The following NLRP1 variants were observed in gnomAD, a reference collection of about 807,000 sequenced individuals.
NLRP1 encodes the protein NACHT, LRR and PYD domains-containing protein 1.
NLRP1 carries 94 observed loss-of-function variants against 136.7 expected under a neutral mutation model. The ratio of observed to expected loss-of-function variants is 0.69; its 90% confidence interval spans 0.58 to 0.82. The LOEUF is 0.82. Among genes scored for constraint, NLRP1 ranks in the 40% least tolerant of loss-of-function variants. The pLI is 0.00. For synonymous variants in NLRP1, 690 were observed against 725.1 expected (o/e 0.95, Z 0.78); for missense variants, 1,575 against 1,802.7 (o/e 0.87, Z 2.29).
chr17:5,554,957 G>A (rs1209877417), intron 4 of NLRP1, among the ~76,000 whole-genome samples: 1 of 151,634 alleles, frequency 6.6e-6, no homozygotes, highest in African/African-American at 2.4e-5. Flanking sequence ...GGGAGGCCAA[G>A]GTTGCAGTGA....
chr17:5,571,197 A>G (rs1915829164), intron 3 of NLRP1, among the ~76,000 whole-genome samples: 2 of 152,198 alleles, frequency 1.3e-5, no homozygotes, highest in African/African-American at 4.8e-5. Flanking sequence ...TGAGAACCAG[A>G]ACAAGACAAG....
At chr17:5,521,186 T>C (rs764885921) in intron 13 of NLRP1, among the ~76,000 whole-genome samples, 174 bp from the exon 14 acceptor site, 1 of 152,138 alleles carries the variant, frequency 6.6e-6, no homozygotes, top group Non-Finnish European at 1.5e-5. Flanking sequence ...CTTTGATGTC[T>C]TCAGGATAGG....
At chr17:5,546,465 T>C (rs1350084359) in intron 5 of NLRP1, among the ~76,000 whole-genome samples, 1 of 152,174 alleles carries the variant, frequency 6.6e-6, no homozygotes, top group Non-Finnish European at 1.5e-5. Context: ...CTGTCTGGTC[T>C]CTCCCCTGAC....
intron 5 of NLRP1, among the ~76,000 whole-genome samples, chr17:5,543,252 G>A (rs181586073): frequency 2.0e-5 from 3 of 152,366 alleles, no homozygotes; most frequent in Non-Finnish European, 1.5e-5. Context: ...GTCAGGTGCA[G>A]CTGAAGGCAG....
Position 5,514,718 on chromosome 17 carries a change from GC to G in NLRP1, c.*35del, listed in dbSNP as rs1461709323. 6.2e-7 allele frequency: 1 copy of G among 1,605,758 alleles called. No individual in the cohort carries two copies. The highest frequency in any genetic ancestry group is 8.5e-7 in the Non-Finnish European group (1 of 1,173,566). Reference sequence around the variant, plus strand: ...GAGACCCAAAGAAGGGTCAGCCAAAGCCAGGACTCAAGGGTCAAGGGCTGGT... The same window carrying G: ...GAGACCCAAAGAAGGGTCAGCCAAAGCAGGACTCAAGGGTCAAGGGCTGGT... On this transcript the variant is annotated 3_prime_UTR_variant, in exon 17 of 17. Transcript: ENST00000572272.
Position 5,559,150 on chromosome 17 carries a change from G to A in NLRP1, c.1546C>T (p.Leu516=). ...CAGGACACCCAGGGCACAAGACACA[G>A]GGCCCAGAGCTCTTTGTTTGATTTG... ...LVKSNKELWA[L]CLVPWVSWLA... Residue 516 remains leucine (L), a synonymous_variant, in exon 4 of 17, where the codon CTG becomes TTG. Coordinates refer to ENST00000572272, the MANE Select transcript of NLRP1 (RefSeq NM_033004.4). The A allele has an allele frequency of 8.1e-6, 13 of 1,614,182 alleles. No homozygotes were observed. The highest frequency in any genetic ancestry group is 1.1e-5 in the Non-Finnish European group (13 of 1,180,034).
chr17:5,511,683 G>A (rs914767313), downstream of NLRP1, among the ~76,000 whole-genome samples: 2 of 152,128 alleles, frequency 1.3e-5, no homozygotes, highest in Non-Finnish European at 2.9e-5. Flanking sequence ...CGGGGGTTGC[G>A]GGGCTTAGAG....
At chr17:5,558,195 G>T in intron 4 of NLRP1, 144 bp downstream of exon 4, 1 of 771,470 alleles carries the variant, frequency 1.3e-6, no homozygotes, top group South Asian at 1.9e-5. Context: ...TGGTCAGATT[G>T]GGCAGTTAGA....
intron 8 of NLRP1, among the ~76,000 whole-genome samples, chr17:5,535,972 C>T (rs1911001100): frequency 1.3e-5 from 2 of 151,830 alleles, no homozygotes; most frequent in South Asian, 4.2e-4. Flanking sequence ...GGTCTTTTTC[C>T]CAGGGCACAG....
intron 3 of NLRP1, among the ~76,000 whole-genome samples, chr17:5,579,631 T>C (rs1905378245): frequency 6.6e-6 from 1 of 152,204 alleles, no homozygotes; most frequent in Admixed American, 6.5e-5. Context: ...AAGATGCATG[T>C]ACATGTATGT....
intron 5 of NLRP1, among the ~76,000 whole-genome samples, chr17:5,547,388 A>G (rs1310639213): frequency 1.3e-5 from 2 of 152,206 alleles, no homozygotes; most frequent in African/African-American, 2.4e-5. Flanking sequence ...GAAACTTGCT[A>G]AAGAAACCTA....
Position 5,532,959 on chromosome 17 carries a change from C to A in NLRP1, c.3159G>T (p.Pro1053=). The A allele has an allele frequency of 6.2e-7, 1 of 1,613,546 alleles. No individual in the cohort carries two copies. Among genetic ancestry groups the A allele is most frequent in the South Asian group, 1.1e-5 (1 of 91,028 alleles). ...IAEESSPEVV[P]VELLCVPSPA... ...GAGAAGGCACGCACAAGAGTTCCAC[C>A]GGTACTACCTCTGGGGAGCTTTCCT... is the stretch of plus-strand genomic sequence containing the variant. Residue 1053 remains proline, a synonymous_variant, in exon 11 of 17, where the codon CCG becomes CCT. Transcript: ENST00000572272.
chr17:5,526,731 G>A (rs527310577), intron 12 of NLRP1, among the ~76,000 whole-genome samples: 1 of 152,300 alleles, frequency 6.6e-6, no homozygotes, highest in East Asian at 1.9e-4. Flanking sequence ...CATGTTTGGT[G>A]GTCTTGACAT....
chr17:5,505,142 C>T (rs1303799636), intron 15 of NLRP1: 1 of 152,222 alleles, frequency 6.6e-6, no homozygotes. Flanking sequence ...CTACCCAAAC[C>T]CACAGTTGAT....
intron 12 of NLRP1, among the ~76,000 whole-genome samples, chr17:5,524,892 G>C (rs1909339995): frequency 6.6e-6 from 1 of 152,188 alleles, no homozygotes; most frequent in African/African-American, 2.4e-5. Flanking sequence ...GCTCCTGGGG[G>C]TGCAGGACTG....
At chr17:5,524,608 T>C (rs1172720924) in intron 12 of NLRP1, among the ~76,000 whole-genome samples, 1 of 152,238 alleles carries the variant, frequency 6.6e-6, no homozygotes, top group Non-Finnish European at 1.5e-5. Flanking sequence ...TCACTGGCAC[T>C]AAATGGATGG....
chr17:5,582,139 C>G, intron 2 of NLRP1, 77 bp from the exon 3 acceptor site: 1 of 1,186,836 alleles, frequency 8.4e-7, no homozygotes, highest in Non-Finnish European at 1.2e-6. Flanking sequence ...TAAACTCTCA[C>G]AACAGTCCTG....
chr17:5,566,381 T>C (rs1915335832), intron 3 of NLRP1, among the ~76,000 whole-genome samples: 1 of 152,046 alleles, frequency 6.6e-6, no homozygotes, highest in Non-Finnish European at 1.5e-5. Flanking sequence ...TTCAAGAAAT[T>C]TTTCTTTCTT....
intron 11 of NLRP1, among the ~76,000 whole-genome samples, chr17:5,531,291 C>T (rs1362348259): frequency 1.3e-5 from 2 of 152,072 alleles, no homozygotes; most frequent in Non-Finnish European, 1.5e-5. Context: ...TCTTGGTTCA[C>T]TGCAGCCTCG....
Sources: allele counts gnomAD v4.1 joint callset (sites outside exome capture counted in the v4.1 genomes callset), GRCh38; gene constraint gnomAD v4.1.1; transcripts MANE v1.5; gene names NCBI Gene and HGNC (gene_info 2026-07-23, HGNC 2026-07-21).